The following TTC21A variants were observed in gnomAD, a reference collection of about 807,000 sequenced individuals.
TTC21A encodes tetratricopeptide repeat protein 21A.
Under a neutral mutation model 156.4 loss-of-function variants are expected in TTC21A, and 128 were observed. The ratio of observed to expected loss-of-function variants is 0.82; its 90% confidence interval spans 0.71 to 0.95. The LOEUF is 0.95. Among genes scored for constraint, TTC21A ranks in the 40% least tolerant of loss-of-function variants. TTC21A has a pLI of 0.00. For synonymous variants in TTC21A, 587 were observed against 617.1 expected, an observed-to-expected ratio of 0.95 and a Z score of 0.72; for missense variants, 1,435 against 1,602.3, an observed-to-expected ratio of 0.90 and a Z score of 1.78.
Position 39,126,408 on chromosome 3 carries a change from A to G in TTC21A, c.1522+18A>G. The G allele has an allele frequency of 6.2e-7, 1 of 1,612,876 alleles. No homozygotes were observed. The highest frequency in any genetic ancestry group is 8.5e-7 in the Non-Finnish European group (1 of 1,179,386). ...TTACTCAGGTGAGCGGGGGATCCTG[A>G]CAGCCGGGTGGGGCCTTGCAAACAC... On this transcript the variant is annotated intron_variant, in intron 12 of 28. Coordinates refer to ENST00000683103, the MANE Select transcript of TTC21A (RefSeq NM_001366900.1).
Position 39,110,055 on chromosome 3 carries a change from C to A in TTC21A, c.184C>A (p.Leu62Met). 6.2e-7 allele frequency: 1 copy of A among 1,614,054 alleles called. No individual in the cohort carries two copies. The highest frequency in any genetic ancestry group is 8.5e-7 in the Non-Finnish European group (1 of 1,179,960). The change falls in exon 3 of 29, where the codon CTG (leucine) becomes ATG (methionine). Residue 62 changes from leucine to methionine, a missense_variant. Physicochemically the swap from Leu to Met is conservative, Grantham distance 15 (BLOSUM62 2). Transcript: ENST00000683103. ...GCACATCCAGGATGCCATCAGTGAC[C>A]TGGAAAGCATCAGGCATCACCCAGA... is the stretch of plus-strand genomic sequence containing the variant. ...EEHIQDAISDLESIRHHPDVS... is the reference protein window; with the variant it reads ...EEHIQDAISDMESIRHHPDVS...
intron 3 of TTC21A, chr3:39,110,434 A>G: frequency 1.9e-6 from 1 of 535,468 alleles, no homozygotes; most frequent in Non-Finnish European, 3.4e-6. Context: ...AGATCTTGTC[A>G]GAAAAACCAA....
chr3:39,118,284 C>T (rs2037461258), intron 7 of TTC21A, 131 bp downstream of exon 7: 5 of 854,182 alleles, frequency 5.9e-6, no homozygotes, highest in South Asian at 1.4e-5. Flanking sequence ...TCTACCCCAC[C>T]CCTATACTCG....
Position 39,126,206 on chromosome 3 carries a change from G to T in TTC21A, c.1393-55G>T, listed in dbSNP as rs921306391. ...AGAGCATTTTCTGAGAGCTCCAGGA[G>T]TCTCTCTTAGAATAGGGCAAACCTA... On this transcript the variant is annotated intron_variant, in intron 11 of 28. Coordinates refer to ENST00000683103, the MANE Select transcript of TTC21A (RefSeq NM_001366900.1). 3.5e-5 allele frequency: 56 copies of T among 1,602,756 alleles called. No homozygotes were observed. In the African/African-American group the frequency reaches 5.2e-4, roughly 15 times the overall value.
At chr3:39,127,447 C>T (rs1005135546) in intron 12 of TTC21A, among the ~76,000 whole-genome samples, 9 of 152,212 alleles carry the variant, frequency 5.9e-5, no homozygotes, top group Non-Finnish European at 1.2e-4. Context: ...GAGAACTTCC[C>T]CTGGGTGCCG....
At chr3:39,116,430 TA>T (rs2125775361) in intron 6 of TTC21A, among the ~76,000 whole-genome samples, 1 of 152,242 alleles carries the variant, frequency 6.6e-6, no homozygotes, top group East Asian at 1.9e-4. Context: ...TTTTGTATTA[TA>T]AATTCTATAT....
intron 12 of TTC21A, among the ~76,000 whole-genome samples, chr3:39,126,651 G>T (rs1559697153): frequency 7.0e-6 from 1 of 143,320 alleles, no homozygotes; most frequent in East Asian, 2.0e-4. Flanking sequence ...ACACACACAC[G>T]TATGCACACA....
Position 39,135,248 on chromosome 3 carries a change from C to A in TTC21A, c.2944+74C>A, listed in dbSNP as rs192187872. On this transcript the variant is annotated intron_variant, in intron 22 of 28. Coordinates refer to ENST00000683103, the MANE Select transcript of TTC21A (RefSeq NM_001366900.1). ...GCCGCTCTCCCAGAGAAGGGTGGGA[C>A]CTCTCCCTCCTTCCTGACTGGGCAG... The A allele has an allele frequency of 2.4e-6, 3 of 1,256,262 alleles. No homozygotes were observed. In the Admixed American group the frequency reaches 5.1e-5, roughly 21 times the overall value. 77.8% of individuals were successfully genotyped at this position (1,256,262 alleles called of 1,614,324 possible).
At chr3:39,128,525 C>T (rs747519804) in intron 13 of TTC21A, 37 bp downstream of exon 13, 1 of 1,612,618 alleles carries the variant, frequency 6.2e-7, no homozygotes, top group Non-Finnish European at 8.5e-7. Context: ...TCCCAAAGCC[C>T]AGCTAGCTGT....
At chr3:39,122,525 A>C (rs2037858345) in intron 9 of TTC21A, among the ~76,000 whole-genome samples, 1 of 152,180 alleles carries the variant, frequency 6.6e-6, no homozygotes, top group African/African-American at 2.4e-5. Context: ...AAAAACAAAA[A>C]CTAAAAAAGA....
At position 39,138,551 on chromosome 3, in the gene TTC21A, G is replaced by A. The variant is rs1222191770; in HGVS notation, c.3797-5G>A. On this transcript the variant is annotated splice_region_variant and splice_polypyrimidine_tract_variant and intron_variant, in intron 27 of 28. Transcript: ENST00000683103. The stretch of plus-strand genomic sequence containing the variant: ...CACCATCTTTGCTCTCCATGTCCCC[G>A]GTAGGCTTCAAACTTGCTTTCAACT... 7.4e-6 allele frequency: 12 copies of A among 1,614,036 alleles called. No homozygotes were observed. The highest frequency in any genetic ancestry group is 9.3e-6 in the Non-Finnish European group (11 of 1,180,034).
chr3:39,130,279 C>G lies in TTC21A; in HGVS notation c.2240C>G (p.Ala747Gly). Residue 747 changes from alanine (A) to glycine (G), a missense_variant, in exon 17 of 29, where the codon GCC becomes GGC. By Grantham distance (60) the Ala-to-Gly change is moderately conservative. Transcript: ENST00000683103. This position sits in a 1 kb window ranked among gnomAD's most constrained non-coding sequence, Gnocchi z 4.5. ...PEKALEVYDE[A>G]YRQNPHDASL... ...AAGGCCCTGGAGGTCTATGATGAGG[C>G]CTATAGACAGAACCCACATGACGCC... is the stretch of plus-strand genomic sequence containing the variant. The G allele has an allele frequency of 6.2e-7, 1 of 1,613,944 alleles. No individual in the cohort carries two copies.
At chr3:39,124,045 C>A (rs947164502) in intron 9 of TTC21A, among the ~76,000 whole-genome samples, 2 of 152,112 alleles carry the variant, frequency 1.3e-5, no homozygotes, top group African/African-American at 2.4e-5. Context: ...ATTTTAAATT[C>A]TTGATAGTAA....
In TTC21A at chr3:39,137,473, A is replaced by G. The variant is rs1331709755; in HGVS notation, c.3451-13A>G. 1 of 1,613,828 alleles carries G rather than the reference A, an allele frequency of 6.2e-7. No homozygotes were observed. Among genetic ancestry groups the G allele is most frequent in the Non-Finnish European group, 8.5e-7 (1 of 1,179,752 alleles). On this transcript the variant is annotated splice_polypyrimidine_tract_variant and intron_variant, in intron 25 of 28. Transcript: ENST00000683103. ...CAACACGTGCTGACGTCCACTTCCT[A>G]CCTGGTGTGTAGAAGGACAGCGTCC...
chr3:39,133,014 C>T (rs1486546374), intron 19 of TTC21A, 38 bp from the exon 20 acceptor site: 1 of 1,601,496 alleles, frequency 6.2e-7, no homozygotes, highest in Non-Finnish European at 8.5e-7. Context: ...GTATGTCAGG[C>T]TCTGAGTTTC....
chr3:39,110,158 A>G lies in TTC21A; in HGVS notation c.268+19A>G. 1.3e-6 allele frequency: 2 copies of G among 1,588,006 alleles called. No homozygotes were observed. Among genetic ancestry groups the G allele is most frequent in the Admixed American group, 3.3e-5 (2 of 59,900 alleles). The stretch of plus-strand genomic sequence containing the variant: ...ATCATTGGTGAGTGCCACCATGCTC[A>G]ACCAGGCCTGACCCACCAGGGGAAG... On this transcript the variant is annotated intron_variant, in intron 3 of 28. Coordinates refer to ENST00000683103, the MANE Select transcript of TTC21A (RefSeq NM_001366900.1).
At chr3:39,117,072 A>G (rs1208798489) in intron 6 of TTC21A, among the ~76,000 whole-genome samples, 5 of 152,192 alleles carry the variant, frequency 3.3e-5, no homozygotes, top group Admixed American at 2.0e-4. Flanking sequence ...GAATATAAGC[A>G]TTGAAGTCTG....
At chr3:39,114,324 A>T (rs1383153580) in intron 5 of TTC21A, among the ~76,000 whole-genome samples, 1 of 152,116 alleles carries the variant, frequency 6.6e-6, no homozygotes, top group East Asian at 1.9e-4. Context: ...AGGCCTGCTA[A>T]GTTTTCCAAG....
At chr3:39,114,083 A>G (rs60429130) in intron 5 of TTC21A, among the ~76,000 whole-genome samples, 11,607 of 152,262 alleles carry the variant, frequency 0.076, 640 homozygotes, top group African/African-American at 0.15. Context: ...CCACAGCCCA[A>G]TAGGCCTTGA....
Sources: gnomAD v4.1 joint callset for allele counts (sites outside exome capture counted in the v4.1 genomes callset) on GRCh38, gnomAD v4.1.1 for gene constraint, Gnocchi (gnomAD v3.1) non-coding constraint, MANE v1.5 for transcripts, NCBI Gene and HGNC (gene_info 2026-07-23, HGNC 2026-07-21) for gene names.